ZNF177: variants seen among roughly 807,000 people sequenced by gnomAD.
ZNF177 encodes the protein zinc finger protein 177.
ZNF177 carries 17 observed loss-of-function variants against 19.4 expected under a neutral mutation model. The observed-to-expected ratio is 0.87, with a 90% CI of 0.60 to 1.31. ZNF177 has a LOEUF of 1.31. ZNF177 is among the 40% of genes most tolerant of loss of function. The pLI, the probability that ZNF177 is intolerant of heterozygous loss-of-function variation, is 0.00. For synonymous variants in ZNF177, 220 were observed against 188.7 expected (o/e 1.17, Z -1.36); for missense variants, 633 against 561.8 (o/e 1.13, Z -1.28).
rs538444629 is a variant in ZNF177 at position 9,378,521 on chromosome 19, G to C, written c.33+177G>C. 6.8e-5 allele frequency: 68 copies of C among 1,002,626 alleles called. No homozygotes were observed. In the South Asian group the frequency reaches 1.1e-3, roughly 16 times the overall value. The allele number at this position is 1,002,626 out of a possible 1,614,324, so 62.1% of individuals were successfully genotyped here. A position where few individuals can be genotyped will look rare whatever the true frequency, so the allele number is the denominator to read the frequency against. On this transcript the variant is annotated intron_variant, in intron 2 of 5. Transcript: ENST00000589262. Reference sequence around the variant, plus strand: ...GGGAAAGGCTTCTGTTCCCACATTTGTTAACTTTCTCCAGATATTCTTCCA... The same window carrying C: ...GGGAAAGGCTTCTGTTCCCACATTTCTTAACTTTCTCCAGATATTCTTCCA...
At chr19:9,377,357 A>G (rs2068124128) in intron 1 of ZNF177, among the ~76,000 whole-genome samples, 1 of 152,178 alleles carries the variant, frequency 6.6e-6, no homozygotes, top group African/African-American at 2.4e-5. Flanking sequence ...TTTAGAATGT[A>G]TTCCTTCTAC....
At position 9,380,046 on chromosome 19, in the gene ZNF177, T is replaced by C; in HGVS notation, c.254-11T>C. 1 of 1,606,282 alleles carries C rather than the reference T, an allele frequency of 6.2e-7. No homozygotes were observed. The highest frequency in any genetic ancestry group is 8.5e-7 in the Non-Finnish European group (1 of 1,178,204). On this transcript the variant is annotated splice_polypyrimidine_tract_variant and intron_variant, in intron 4 of 5. Coordinates refer to ENST00000589262, the Ensembl canonical transcript of ZNF177. ...CTCCCAATAATTATAAAAATTCCTGTGCTATTTCAGACTGGGAAACTCAAC... is the reference window on the plus strand; with the variant it reads ...CTCCCAATAATTATAAAAATTCCTGCGCTATTTCAGACTGGGAAACTCAAC...
Position 9,378,316 on chromosome 19 carries a change from C to CT in ZNF177, c.6dup (p.Ala3CysfsTer46). ...AGGAAACCTACAGGAGGAAGAATGG[C>CT]TGCAGGGTGGCTGACAACCTGGTCA... On this transcript the variant is annotated frameshift_variant, in exon 2 of 6. Transcript: ENST00000589262. LOFTEE classifies it high-confidence loss of function. 6.2e-7 allele frequency: 1 copy of CT among 1,613,702 alleles called. No homozygotes were observed. Among genetic ancestry groups the CT allele is most frequent in the South Asian group, 1.1e-5 (1 of 91,064 alleles).
At chr19:9,381,568 G>C (rs1395804608) in exon 6 of ZNF177, 1 of 1,613,920 alleles carries the variant, frequency 6.2e-7, no homozygotes, top group South Asian at 1.1e-5. Context: ...TTACCTTATT[G>C]TGCACAAGAG....
At chr19:9,377,804 C>G (rs2068132506) in intron 1 of ZNF177, among the ~76,000 whole-genome samples, 1 of 152,104 alleles carries the variant, frequency 6.6e-6, no homozygotes, top group Non-Finnish European at 1.5e-5. Context: ...CCTTATTGTT[C>G]TAAGTAATTT....
upstream of ZNF177, chr19:9,371,693 G>C (rs1017392045): frequency 2.0e-5 from 3 of 152,106 alleles, no homozygotes; most frequent in Non-Finnish European, 4.4e-5. Flanking sequence ...AATGAAATTA[G>C]ATGTGGATTT....
At chr19:9,382,494 A>C (rs1343501591), downstream of ZNF177, 1 of 398,318 alleles carries the variant, frequency 2.5e-6, no homozygotes, top group African/African-American at 2.1e-5. Flanking sequence ...TCTGGATTTC[A>C]TGTTACATGA....
intron 2 of ZNF177, among the ~76,000 whole-genome samples, chr19:9,365,905 C>G (rs914655141): frequency 5.9e-5 from 9 of 152,184 alleles, no homozygotes; most frequent in African/African-American, 1.9e-4. Flanking sequence ...GCTGGTCGGT[C>G]TGAGGACCTG....
exon 6 of ZNF177, chr19:9,381,405 T>C (rs1314996346): frequency 1.9e-6 from 3 of 1,612,410 alleles, no homozygotes; most frequent in South Asian, 2.2e-5. Flanking sequence ...TTCAGAAACA[T>C]GTGAGAACCC....
At chr19:9,366,988 A>G (rs1178289281) in intron 2 of ZNF177, among the ~76,000 whole-genome samples, 3 of 152,246 alleles carry the variant, frequency 2.0e-5, no homozygotes, top group African/African-American at 7.2e-5. Context: ...AGAAAAATGT[A>G]CATTCAGATC....
chr19:9,365,396 CACAG>C (rs1352269812), intron 2 of ZNF177, among the ~76,000 whole-genome samples: 1 of 151,138 alleles, frequency 6.6e-6, no homozygotes, highest in African/African-American at 2.4e-5. Context: ...GGGGTAGAGA[CACAG>C]AGAGAAGGGA....
intron 2 of ZNF177, among the ~76,000 whole-genome samples, chr19:9,370,900 A>G (rs2068039514): frequency 6.6e-6 from 1 of 152,192 alleles, no homozygotes; most frequent in South Asian, 2.1e-4. Context: ...CAGCTTTGAC[A>G]GTTACCAATA....
At chr19:9,367,155 C>T (rs1232351329) in intron 2 of ZNF177, among the ~76,000 whole-genome samples, 2 of 152,066 alleles carry the variant, frequency 1.3e-5, no homozygotes, top group East Asian at 3.9e-4. Flanking sequence ...CCCGTCTCTA[C>T]TAAAAATACA....
chr19:9,366,361 G>A (rs547960552), intron 2 of ZNF177, among the ~76,000 whole-genome samples: 453 of 151,990 alleles, frequency 3.0e-3, no homozygotes, highest in Non-Finnish European at 4.7e-3. Context: ...TCCCTAGCTC[G>A]GCCTTCCACC....
At chr19:9,371,834 C>T (rs907616664), upstream of ZNF177, 2 of 152,128 alleles carry the variant, frequency 1.3e-5, no homozygotes, top group African/African-American at 4.8e-5. Flanking sequence ...GTAGTTAATA[C>T]TGGCACTGAA....
At chr19:9,370,243 C>G (rs1242410995) in intron 2 of ZNF177, among the ~76,000 whole-genome samples, 1 of 152,082 alleles carries the variant, frequency 6.6e-6, no homozygotes, top group African/African-American at 2.4e-5. Flanking sequence ...CACATGGCTT[C>G]CAAATTCCAC....
chr19:9,380,733 T>C (rs1350098501), exon 6 of ZNF177: 3 of 1,535,952 alleles, frequency 2.0e-6, no homozygotes, highest in Non-Finnish European at 2.6e-6. Context: ...GAAAGAACAC[T>C]CGCTTTATTT....
In ZNF177 at chr19:9,365,224, T is replaced by C. The variant is rs1414566491; in HGVS notation, c.-305+276T>C. ...AAATATGGGGGGAGTAGAGTTGATA[T>C]AAGGAGGAAGGTTTTAGGTCTTTAA... On this transcript the variant is annotated intron_variant, in intron 2 of 8. Coordinates refer to the ZNF177 transcript ENST00000343499. 3.3e-5 allele frequency among the ~76,000 whole-genome samples: 5 copies of C among 151,872 alleles called. No individual in the cohort carries two copies. The South Asian group carries it at 6.2e-4, about 19-fold the overall frequency.
chr19:9,367,482 A>T (rs2067996197), intron 2 of ZNF177, among the ~76,000 whole-genome samples: 2 of 152,164 alleles, frequency 1.3e-5, no homozygotes, highest in African/African-American at 4.8e-5. Context: ...AATTATATTG[A>T]TTTTCTAATA....
Sources: gnomAD v4.1 joint callset for allele counts (sites outside exome capture counted in the v4.1 genomes callset) on GRCh38, gnomAD v4.1.1 for gene constraint, MANE v1.5 for transcripts, NCBI Gene and HGNC (gene_info 2026-07-23, HGNC 2026-07-21) for gene names.